MDGA2: variants seen among roughly 807,000 people sequenced by gnomAD.
MDGA2 encodes MAM domain containing glycosylphosphatidylinositol anchor 2, also known as MAM domain-containing glycosylphosphatidylinositol anchor protein 2.
In MDGA2, 40 loss-of-function variants were observed where a neutral mutation model predicts 117.8. That is an observed-to-expected ratio of 0.34 (90% CI 0.26 to 0.44). The LOEUF (loss-of-function observed/expected upper bound fraction) is 0.44. Among genes scored for constraint, MDGA2 ranks in the 20% least tolerant of loss-of-function variants. The pLI is 1.00. For synonymous variants in MDGA2, 452 were observed against 439.0 expected, an observed-to-expected ratio of 1.03 and a Z score of -0.37; for missense variants, 1,123 against 1,250.6, an observed-to-expected ratio of 0.90 and a Z score of 1.54.
intron 5 of MDGA2, among the ~76,000 whole-genome samples, chr14:47,099,277 T>A (rs1880160175): frequency 6.6e-6 from 1 of 151,982 alleles, no homozygotes; most frequent in African/African-American, 2.4e-5. Context: ...TTTTATTTCA[T>A]AAATATCAGC....
intron 2 of MDGA2, among the ~76,000 whole-genome samples, chr14:47,278,226 T>C (rs1019169976): frequency 6.4e-4 from 98 of 152,240 alleles, no homozygotes; most frequent in African/African-American, 2.3e-3. Flanking sequence ...TCAAATTCAA[T>C]ACATAAAGTA....
chr14:47,184,992 T>C (rs897746344), intron 3 of MDGA2, among the ~76,000 whole-genome samples: 6 of 151,260 alleles, frequency 4.0e-5, no homozygotes, highest in South Asian at 2.1e-4. Flanking sequence ...AAATAAACCA[T>C]ATAAAATAGA....
At chr14:47,592,306 G>T (rs956874594) in intron 1 of MDGA2, among the ~76,000 whole-genome samples, 2 of 151,996 alleles carry the variant, frequency 1.3e-5, no homozygotes, top group South Asian at 4.2e-4. Flanking sequence ...CATGAAAATG[G>T]CCATATTTCC....
chr14:46,950,970 A>C (rs1255865261), intron 9 of MDGA2, among the ~76,000 whole-genome samples: 4 of 151,906 alleles, frequency 2.6e-5, no homozygotes, highest in Admixed American at 2.6e-4. Context: ...AGGAATAAGA[A>C]ATGCTATATT....
At chr14:47,634,520 T>C (rs148716771) in intron 1 of MDGA2, among the ~76,000 whole-genome samples, 2 of 152,258 alleles carry the variant, frequency 1.3e-5, no homozygotes, top group East Asian at 3.9e-4. Context: ...ATTTTATTAA[T>C]GTTGTCTGTT....
chr14:47,325,129 T>C (rs776417979), intron 1 of MDGA2, among the ~76,000 whole-genome samples: 7 of 152,120 alleles, frequency 4.6e-5, no homozygotes, highest in Non-Finnish European at 8.8e-5. Context: ...GGAAATAGCA[T>C]TGAAGATATG....
At chr14:47,098,949 A>G (rs1030758033) in intron 5 of MDGA2, among the ~76,000 whole-genome samples, 42 of 151,960 alleles carry the variant, frequency 2.8e-4, no homozygotes, top group African/African-American at 4.8e-4. Flanking sequence ...CAAAGCTCAA[A>G]AAATAATGCA....
At chr14:46,967,535 T>A (rs1279523394) in intron 8 of MDGA2, among the ~76,000 whole-genome samples, 2 of 152,146 alleles carry the variant, frequency 1.3e-5, no homozygotes, top group East Asian at 3.9e-4. Flanking sequence ...ACAACCTCTC[T>A]CTCCATGAAC....
chr14:47,609,442 T>TACATATATATATATATATATATACAC, intron 1 of MDGA2, among the ~76,000 whole-genome samples: 1 of 89,606 alleles, frequency 1.1e-5, no homozygotes, highest in Non-Finnish European at 2.2e-5. Flanking sequence ...TATATATATA[T>TACATATATATATATATATATATACAC]ATATATATAT....
chr14:47,496,117 A>G (rs572616908), intron 1 of MDGA2, among the ~76,000 whole-genome samples: 1 of 152,214 alleles, frequency 6.6e-6, no homozygotes, highest in East Asian at 1.9e-4. Context: ...TTTGCTTGTC[A>G]TATTTTTATA....
intron 1 of MDGA2, among the ~76,000 whole-genome samples, chr14:47,382,229 T>C (rs1349287148): frequency 6.6e-6 from 1 of 152,194 alleles, no homozygotes; most frequent in Admixed American, 6.5e-5. Context: ...ACTTACATGT[T>C]AGACCTAAAA....
chr14:47,075,740 A>G (rs1400812078), intron 6 of MDGA2, among the ~76,000 whole-genome samples: 1 of 152,182 alleles, frequency 6.6e-6, no homozygotes, highest in African/African-American at 2.4e-5. Flanking sequence ...AGCTGGGTAA[A>G]GGCTATATAT....
At chr14:47,265,785 C>A (rs1222781138) in intron 2 of MDGA2, among the ~76,000 whole-genome samples, 1 of 152,074 alleles carries the variant, frequency 6.6e-6, no homozygotes, top group East Asian at 1.9e-4. Context: ...CATTAGAGGC[C>A]TTCCATGTTA....
In MDGA2 at chr14:47,480,832, C is replaced by T. The variant is rs768782439; in HGVS notation, c.281-179282G>A. On this transcript the variant is annotated intron_variant, in intron 1 of 16. Transcript: ENST00000399232. Reference sequence around the variant, plus strand: ...TGTAAATTCTTCTGTAATAGGACAACGTGCTATTGTAAAAATTCTCAAATT... The same window carrying T: ...TGTAAATTCTTCTGTAATAGGACAATGTGCTATTGTAAAAATTCTCAAATT... Among the ~76,000 whole-genome samples, 7 of 151,830 alleles carry T rather than the reference C, an allele frequency of 4.6e-5. No individual in the cohort carries two copies. The East Asian group carries it at 5.8e-4, about 13-fold the overall frequency.
intron 1 of MDGA2, among the ~76,000 whole-genome samples, chr14:47,508,092 C>G (rs990493561): frequency 9.2e-5 from 14 of 152,162 alleles, no homozygotes; most frequent in Admixed American, 9.2e-4. Flanking sequence ...GTAATCATTT[C>G]CATTCTCTAT....
At chr14:47,178,519 A>G (rs187155937) in intron 3 of MDGA2, among the ~76,000 whole-genome samples, 93 of 152,296 alleles carry the variant, frequency 6.1e-4, no homozygotes, top group Non-Finnish European at 1.0e-3. Flanking sequence ...GAGTTTTACA[A>G]AATGCATTGT....
intron 1 of MDGA2, among the ~76,000 whole-genome samples, chr14:47,593,339 T>C (rs207474807): frequency 2.0e-5 from 3 of 152,172 alleles, no homozygotes; most frequent in Non-Finnish European, 4.4e-5. Flanking sequence ...CTCAAAGACC[T>C]AGAACCAGAA....
chr14:47,283,868 G>A (rs1182083255), intron 2 of MDGA2, among the ~76,000 whole-genome samples: 9 of 152,106 alleles, frequency 5.9e-5, no homozygotes, highest in African/African-American at 1.7e-4. Flanking sequence ...GATGGGTGAC[G>A]ATAATAAAAT....
At chr14:47,593,424 G>GCA (rs753378968) in intron 1 of MDGA2, among the ~76,000 whole-genome samples, 22 of 152,244 alleles carry the variant, frequency 1.4e-4, no homozygotes, top group African/African-American at 1.9e-4. Context: ...AAAGATACAT[G>GCA]CATGCGTTTG....
Sources: gnomAD v4.1 joint callset for allele counts (sites outside exome capture counted in the v4.1 genomes callset) on GRCh38, gnomAD v4.1.1 for gene constraint, MANE v1.5 for transcripts, NCBI Gene and HGNC (gene_info 2026-07-23, HGNC 2026-07-21) for gene names.